Variants in GAPVD1 observed in about 807,000 individuals in gnomAD.
GAPVD1 encodes GTPase activating protein and VPS9 domains 1, also known as GTPase-activating protein and VPS9 domain-containing protein 1.
GAPVD1 carries 35 observed loss-of-function variants against 155.5 expected under a neutral mutation model. The observed-to-expected ratio is 0.23, with a 90% CI of 0.17 to 0.30. The LOEUF is 0.30. GAPVD1 is among the 10% of genes least tolerant of loss of function. GAPVD1 has a pLI of 1.00. For missense variants in GAPVD1, 1,429 were observed against 1,775.7 expected (o/e 0.80, Z 3.51); for synonymous variants, 636 against 619.7 (o/e 1.03, Z -0.39).
Position 125,366,562 on chromosome 9 carries a change from A to G in GAPVD1, c.*3816A>G, listed in dbSNP as rs1851480450. 6.6e-6 allele frequency: 1 copy of G among 152,098 alleles called. No homozygotes were observed. Among genetic ancestry groups the G allele is most frequent in the Non-Finnish European group, 1.5e-5 (1 of 68,012 alleles). The allele number at this position is 152,098 out of a possible 1,614,324, so 9.4% of individuals were successfully genotyped here. A position where few individuals can be genotyped will look rare whatever the true frequency, so the allele number is the denominator to read the frequency against. On this transcript the variant is annotated 3_prime_UTR_variant, in exon 28 of 28. Transcript: ENST00000297933. ...TGTTGTCTCTCTTTTTAAATATTTA[A>G]GTCTAGTGAGTTTATTTTGTACGCA...
intron 2 of GAPVD1, among the ~76,000 whole-genome samples, chr9:125,279,773 T>C (rs1472010199): frequency 6.6e-6 from 1 of 151,558 alleles, no homozygotes; most frequent in Non-Finnish European, 1.5e-5. Flanking sequence ...ACTTTTTTTT[T>C]TTTTTGATAC....
chr9:125,348,193 C>T (rs1848776052), intron 20 of GAPVD1, among the ~76,000 whole-genome samples: 1 of 152,072 alleles, frequency 6.6e-6, no homozygotes, highest in Non-Finnish European at 1.5e-5. Flanking sequence ...GTAGCTGGGA[C>T]CACAAGCACG....
At chr9:125,268,299 G>T (rs1449801177) in intron 1 of GAPVD1, among the ~76,000 whole-genome samples, 1 of 151,210 alleles carries the variant, frequency 6.6e-6, no homozygotes, top group Non-Finnish European at 1.5e-5. Flanking sequence ...TCCACTGAGG[G>T]TTTGTGAGCT....
At chr9:125,267,575 A>T (rs1048768424) in intron 1 of GAPVD1, among the ~76,000 whole-genome samples, 6 of 151,864 alleles carry the variant, frequency 4.0e-5, no homozygotes, top group African/African-American at 1.4e-4. Flanking sequence ...ATGCCCAGCT[A>T]ATTTTGTATT....
chr9:125,328,843 C>G (rs560399487), intron 12 of GAPVD1, among the ~76,000 whole-genome samples: 2 of 148,510 alleles, frequency 1.3e-5, no homozygotes, highest in Non-Finnish European at 3.0e-5. Flanking sequence ...ACCCCCCCCC[C>G]ACCTCCCTCC....
Position 125,337,201 on chromosome 9 carries a change from C to G in GAPVD1, c.2507-20C>G. The G allele has an allele frequency of 6.2e-7, 1 of 1,612,324 alleles. No homozygotes were observed. The highest frequency in any genetic ancestry group is 8.5e-7 in the Non-Finnish European group (1 of 1,178,910). On this transcript the variant is annotated intron_variant, in intron 16 of 27. Coordinates refer to ENST00000297933, the MANE Select transcript of GAPVD1 (RefSeq NM_001282680.3). ...GATATGTTGTGTCTCAGTTACAAAA[C>G]TTTTTTTCCTGTGTTGCAGGGGCTT...
At chr9:125,362,474 A>C (rs1461495394) in intron 27 of GAPVD1, 132 bp from the exon 28 acceptor site, 2 of 734,382 alleles carry the variant, frequency 2.7e-6, no homozygotes. Flanking sequence ...TACTTCCAAA[A>C]AATAACTTTG....
At chr9:125,335,243 C>T (rs1846716705) in intron 15 of GAPVD1, 1 of 764,588 alleles carries the variant, frequency 1.3e-6, no homozygotes, top group Admixed American at 1.8e-5. Context: ...GAGAATCCAG[C>T]TGTCTTCTAG....
chr9:125,278,638 C>T (rs975054493), intron 2 of GAPVD1, among the ~76,000 whole-genome samples: 2 of 151,896 alleles, frequency 1.3e-5, no homozygotes, highest in Non-Finnish European at 2.9e-5. Flanking sequence ...AGTTCGAGAC[C>T]AGTCTGGGCA....
At chr9:125,358,170 A>G (rs1850391450) in intron 25 of GAPVD1, among the ~76,000 whole-genome samples, 1 of 152,058 alleles carries the variant, frequency 6.6e-6, no homozygotes, top group Non-Finnish European at 1.5e-5. Flanking sequence ...CAATGGCGCA[A>G]TCTTGGCTCA....
At chr9:125,278,542 T>C (rs1588589780) in intron 2 of GAPVD1, among the ~76,000 whole-genome samples, 2 of 149,998 alleles carry the variant, frequency 1.3e-5, no homozygotes, top group East Asian at 3.9e-4. Flanking sequence ...ATAAGTAAAA[T>C]GTTCACATTA....
chr9:125,293,873 TATATATA>T (rs1839282351), intron 2 of GAPVD1, among the ~76,000 whole-genome samples: 1 of 14,332 alleles, frequency 7.0e-5, no homozygotes, highest in Non-Finnish European at 1.1e-4. Flanking sequence ...TATATATATA[TATATATA>T]TATATATATA....
chr9:125,346,792 A>G (rs371035235), intron 19 of GAPVD1, 27 bp from the exon 20 acceptor site: 25 of 1,601,392 alleles, frequency 1.6e-5, no homozygotes, highest in East Asian at 4.5e-5. Context: ...CAAGGGGCTA[A>G]TTCTCTCACT....
At chr9:125,359,320 G>C in intron 25 of GAPVD1, 100 bp from the exon 26 acceptor site, 1 of 758,756 alleles carries the variant, frequency 1.3e-6, no homozygotes, top group East Asian at 2.4e-5. Context: ...TCCATATCTA[G>C]TCAACATGTT....
At chr9:125,320,303 C>T (rs1275844931) in intron 9 of GAPVD1, among the ~76,000 whole-genome samples, 1 of 152,086 alleles carries the variant, frequency 6.6e-6, no homozygotes, top group East Asian at 1.9e-4. Context: ...ACACACAAAG[C>T]TGAGTTGTGA....
intron 1 of GAPVD1, among the ~76,000 whole-genome samples, chr9:125,265,525 C>T (rs944987770): frequency 6.6e-6 from 1 of 151,358 alleles, no homozygotes; most frequent in African/African-American, 2.4e-5. Flanking sequence ...ATTCTCCTGC[C>T]TCAGTCTCCC....
At position 125,355,980 on chromosome 9, in the gene GAPVD1, C is replaced by T. The variant is rs1850023644; in HGVS notation, c.3971+123C>T. 4.7e-6 allele frequency: 3 copies of T among 642,256 alleles called. No individual in the cohort carries two copies. In the Admixed American group the frequency reaches 7.7e-5, roughly 17 times the overall value. 39.8% of individuals were successfully genotyped at this position (642,256 alleles called of 1,614,324 possible). A position where few individuals can be genotyped will look rare whatever the true frequency, so the allele number is the denominator to read the frequency against. On this transcript the variant is annotated intron_variant, in intron 25 of 27. Coordinates refer to ENST00000297933, the MANE Select transcript of GAPVD1 (RefSeq NM_001282680.3). ...TTGTAAAAGGAAATTCATTGGTTAC[C>T]ATTTTTCACCTGTCAGAGTTACATG...
intron 12 of GAPVD1, among the ~76,000 whole-genome samples, chr9:125,326,826 C>CA (rs545657422): frequency 0.05 from 6,469 of 129,940 alleles, 151 homozygotes; most frequent in African/African-American, 0.089. Flanking sequence ...CCCAGCTGCC[C>CA]AAAAAAAAAA....
intron 6 of GAPVD1, among the ~76,000 whole-genome samples, chr9:125,305,608 A>C (rs1425912145): frequency 6.6e-6 from 1 of 151,950 alleles, no homozygotes; most frequent in Non-Finnish European, 1.5e-5. Flanking sequence ...TGGCCTCGTG[A>C]TCCACCTGCC....
Sources: gnomAD v4.1 joint callset for allele counts (sites outside exome capture counted in the v4.1 genomes callset) on GRCh38, gnomAD v4.1.1 for gene constraint, MANE v1.5 for transcripts, NCBI Gene and HGNC (gene_info 2026-07-23, HGNC 2026-07-21) for gene names.